Variants in NTRK3 observed in about 807,000 individuals in gnomAD.
The protein encoded by NTRK3 is neurotrophic receptor tyrosine kinase 3, also known as NT-3 growth factor receptor.
Under a neutral mutation model 91.7 loss-of-function variants are expected in NTRK3, and 24 were observed. The ratio of observed to expected loss-of-function variants is 0.26; its 90% CI spans 0.19 to 0.37. The LOEUF (loss-of-function observed/expected upper bound fraction) is 0.37, where lower values mean the gene tolerates loss of function less well. NTRK3 is among the 10% of genes least tolerant of loss of function. The probability of loss-of-function intolerance (pLI) is 1.00; values close to 1 mark genes in which losing one functional copy is unlikely to be tolerated. For synonymous variants in NTRK3, 483 were observed against 404.0 expected (o/e 1.20, Z -2.34); for missense variants, 880 against 1,068.9 (o/e 0.82, Z 2.46).
intron 13 of NTRK3, among the ~76,000 whole-genome samples, chr15:88,124,226 C>A (rs2053043262): frequency 6.6e-6 from 1 of 152,176 alleles, no homozygotes; most frequent in Admixed American, 6.5e-5. Context: ...AGTTGCCCGA[C>A]TTTACAATAG....
At chr15:88,137,547 T>C in exon 7 of NTRK3, 1 of 1,614,044 alleles carries the variant, frequency 6.2e-7, no homozygotes, top group Non-Finnish European at 8.5e-7. Context: ...GTTGAAAAAG[T>C]TCTGCTCCAA....
rs79079621 is a variant in NTRK3 at position 88,217,584 on chromosome 15, G to A, written c.249-33285C>T. ...AGAGACAGAAAGTGGTGGTTGCCAG[G>A]GGAGGGGGGAATGGGGAAATGAGGA... On this transcript the variant is annotated intron_variant, in intron 3 of 18. Transcript: ENST00000394480. 0.013 allele frequency among the ~76,000 whole-genome samples: 1,981 copies of A among 152,270 alleles called. 98 individuals are homozygous for A. The South Asian group carries it at 0.13, about 10-fold the overall frequency.
chr15:87,867,290 G>A, exon 19 of NTRK3: 1 of 226,926 alleles, frequency 4.4e-6, no homozygotes, highest in African/African-American at 2.2e-5. Flanking sequence ...GAAAGAGGGA[G>A]ATGAGCCAAT....
chr15:88,224,222 T>C (rs1054503741), intron 3 of NTRK3, among the ~76,000 whole-genome samples: 11 of 152,142 alleles, frequency 7.2e-5, no homozygotes, highest in African/African-American at 2.4e-4. Flanking sequence ...GGATGCTCCC[T>C]GCAAGGTGAG....
At chr15:87,993,104 C>T (rs1350649748) in intron 14 of NTRK3, among the ~76,000 whole-genome samples, 3 of 152,162 alleles carry the variant, frequency 2.0e-5, no homozygotes, top group Non-Finnish European at 2.9e-5. Flanking sequence ...AACATCAATG[C>T]CTCCTACCCT....
intron 14 of NTRK3, among the ~76,000 whole-genome samples, chr15:88,017,724 G>A (rs868367364): frequency 1.4e-4 from 22 of 152,084 alleles, no homozygotes; most frequent in African/African-American, 5.3e-4. Flanking sequence ...TCACATCCCA[G>A]GCACAGGCTC....
chr15:87,979,129 G>T, intron 14 of NTRK3: 1 of 611,554 alleles, frequency 1.6e-6, no homozygotes, highest in Non-Finnish European at 2.9e-6. Context: ...GAAAAAAGGA[G>T]CACAGTGATG....
intron 14 of NTRK3, among the ~76,000 whole-genome samples, chr15:87,982,114 C>G (rs924527108): frequency 2.0e-5 from 3 of 152,182 alleles, no homozygotes; most frequent in Admixed American, 6.5e-5. Context: ...CCAATGTCCC[C>G]GAAGCTGCCT....
At chr15:88,004,518 C>T (rs1364304574) in intron 14 of NTRK3, among the ~76,000 whole-genome samples, 2 of 152,112 alleles carry the variant, frequency 1.3e-5, no homozygotes, top group Non-Finnish European at 2.9e-5. Flanking sequence ...ATATGTGCTA[C>T]TCGGGCCAAA....
At chr15:88,140,359 A>C (rs958035110) in intron 6 of NTRK3, among the ~76,000 whole-genome samples, 2 of 152,154 alleles carry the variant, frequency 1.3e-5, no homozygotes, top group Non-Finnish European at 2.9e-5. Flanking sequence ...GATAAAATCC[A>C]CTCTGTACAC....
At chr15:88,212,095 A>G (rs1000100066) in intron 3 of NTRK3, among the ~76,000 whole-genome samples, 2 of 152,232 alleles carry the variant, frequency 1.3e-5, no homozygotes, top group Non-Finnish European at 1.5e-5. Flanking sequence ...CAGGCCGGGC[A>G]CGGTGGCTCA....
At chr15:87,957,978 C>A (rs950726705) in intron 14 of NTRK3, among the ~76,000 whole-genome samples, 2 of 152,064 alleles carry the variant, frequency 1.3e-5, no homozygotes, top group South Asian at 2.1e-4. Context: ...CAAAAGGGAG[C>A]CTATAAGCTT....
At chr15:88,185,339 C>G (rs1305521420) in intron 3 of NTRK3, among the ~76,000 whole-genome samples, 1 of 152,214 alleles carries the variant, frequency 6.6e-6, no homozygotes. Flanking sequence ...AACATTCTGT[C>G]AGCATGAGAA....
At chr15:87,912,931 A>AAATATATAT (rs1484111389) in intron 17 of NTRK3, among the ~76,000 whole-genome samples, 1 of 36,502 alleles carries the variant, frequency 2.7e-5, no homozygotes, top group African/African-American at 1.4e-4. Context: ...AGTAAAAAAA[A>AAATATATAT]ATATATATAT....
intron 13 of NTRK3, among the ~76,000 whole-genome samples, chr15:88,062,538 G>T (rs995617989): frequency 2.0e-5 from 3 of 152,134 alleles, no homozygotes; most frequent in Admixed American, 6.5e-5. Context: ...TGATGCAATG[G>T]CTGGAGCCCT....
chr15:87,873,738 C>T (rs2064883006), exon 19 of NTRK3: 1 of 231,728 alleles, frequency 4.3e-6, no homozygotes, highest in African/African-American at 2.2e-5. Flanking sequence ...GTCGACAGTG[C>T]TTTTCTGGTA....
intron 13 of NTRK3, among the ~76,000 whole-genome samples, chr15:88,064,972 C>T (rs1318031985): frequency 2.0e-5 from 3 of 152,174 alleles, no homozygotes; most frequent in Admixed American, 6.5e-5. Context: ...TTCGTATCTC[C>T]AAAGCCTGGC....
intron 14 of NTRK3, among the ~76,000 whole-genome samples, chr15:87,982,589 C>T (rs1264667240): frequency 6.6e-6 from 1 of 152,150 alleles, no homozygotes; most frequent in Non-Finnish European, 1.5e-5. Flanking sequence ...GAGAAGCAAG[C>T]CAGAGGCTCT....
intron 14 of NTRK3, among the ~76,000 whole-genome samples, chr15:87,954,042 G>GTA (rs2071419367): frequency 6.9e-6 from 1 of 145,554 alleles, no homozygotes; most frequent in African/African-American, 2.8e-5. Flanking sequence ...GTGTGTGTGT[G>GTA]TGTGTGTGTG....
Sources: allele counts gnomAD v4.1 joint callset (sites outside exome capture counted in the v4.1 genomes callset), GRCh38; gene constraint gnomAD v4.1.1; transcripts MANE v1.5; gene names NCBI Gene and HGNC (gene_info 2026-07-23, HGNC 2026-07-21).